IGFBP2: variants seen among roughly 807,000 people sequenced by gnomAD.
IGFBP2 encodes the protein insulin-like growth factor-binding protein 2.
IGFBP2 carries 12 observed loss-of-function variants against 26.2 expected under a neutral mutation model. The ratio of observed to expected loss-of-function variants is 0.46; its 90% confidence interval spans 0.29 to 0.74. IGFBP2 has a LOEUF of 0.74. Among genes scored for constraint, IGFBP2 ranks in the 30% least tolerant of loss-of-function variants. The pLI, the probability that IGFBP2 is intolerant of heterozygous loss-of-function variation, is 0.09. For missense variants in IGFBP2, 328 were observed against 441.2 expected, an observed-to-expected ratio of 0.74 and a Z score of 2.30; for synonymous variants, 189 against 200.6, an observed-to-expected ratio of 0.94 and a Z score of 0.49.
rs1283814419 is a variant in IGFBP2, at chr2:216,659,217, GCCAGCACCC to G, written c.443-1339_443-1331del. Among the ~76,000 whole-genome samples the G allele has an allele frequency of 2.0e-5, 3 of 152,328 alleles. No individual in the cohort carries two copies. The East Asian group carries it at 5.8e-4, about 29-fold the overall frequency. Reference sequence around the variant, plus strand: ...CCTTGACAGCAGGTGCTGCTGGAGTGCCAGCACCCGGTGCTGTCCCTGGCATGGAAGAGG... The same window carrying G: ...CCTTGACAGCAGGTGCTGCTGGAGTGGGTGCTGTCCCTGGCATGGAAGAGG... On this transcript the variant is annotated intron_variant, in intron 1 of 3. Transcript: ENST00000233809.
At position 216,633,833 on chromosome 2, in the gene IGFBP2, C is replaced by T; in HGVS notation, c.310C>T (p.Arg104Cys). 6.5e-7 allele frequency: 1 copy of T among 1,538,742 alleles called. No individual in the cohort carries two copies. The highest frequency in any genetic ancestry group is 8.7e-7 in the Non-Finnish European group (1 of 1,147,994). ...CGAGGCGTGCGGCGTCTACACCCCG[C>T]GCTGCGGCCAGGGGCTGCGCTGCTA... ...EGEACGVYTP[R>C]CGQGLRCYPH... The change falls in exon 1 of 4, where the codon CGC becomes TGC. Residue 104 changes from arginine (R) to cysteine (C), a missense_variant. By Grantham distance (180) the Arg-to-Cys change is radical (BLOSUM62 -3). Transcript: ENST00000233809.
intron 1 of IGFBP2, among the ~76,000 whole-genome samples, chr2:216,657,525 G>A (rs1439793758): frequency 1.3e-5 from 2 of 152,142 alleles, no homozygotes; most frequent in Non-Finnish European, 2.9e-5. Context: ...CGCACGGTGG[G>A]GTGACTCAGC....
intron 1 of IGFBP2, among the ~76,000 whole-genome samples, chr2:216,647,512 A>C (rs1490246969): frequency 6.6e-6 from 1 of 151,928 alleles, no homozygotes; most frequent in Non-Finnish European, 1.5e-5. Flanking sequence ...TAAAATTTTT[A>C]TTTATTTATT....
At chr2:216,644,720 G>GT (rs992765803) in intron 1 of IGFBP2, among the ~76,000 whole-genome samples, 14 of 152,052 alleles carry the variant, frequency 9.2e-5, no homozygotes, top group South Asian at 2.1e-4. Flanking sequence ...AGCTCATTTT[G>GT]TTTTTTTTGT....
At chr2:216,635,715 C>T (rs1448717523) in intron 1 of IGFBP2, among the ~76,000 whole-genome samples, 1 of 152,004 alleles carries the variant, frequency 6.6e-6, no homozygotes, top group Non-Finnish European at 1.5e-5. Context: ...ACAGATGCGG[C>T]AGATTTTCTC....
intron 3 of IGFBP2, chr2:216,663,666 G>C (rs1407395993): frequency 1.7e-5 from 6 of 357,410 alleles, no homozygotes; most frequent in Non-Finnish European, 3.1e-5. Context: ...CGGGTGTCCT[G>C]AATGGCCTTG....
chr2:216,643,478 A>G (rs1697653781), intron 1 of IGFBP2, among the ~76,000 whole-genome samples: 1 of 152,154 alleles, frequency 6.6e-6, no homozygotes, highest in African/African-American at 2.4e-5. Context: ...TGAGTCTCTG[A>G]GGGTCAGAAT....
intron 1 of IGFBP2, among the ~76,000 whole-genome samples, chr2:216,649,566 GA>G (rs1697778763): frequency 6.6e-6 from 1 of 152,236 alleles, no homozygotes; most frequent in Non-Finnish European, 1.5e-5. Context: ...AACCCAAGGA[GA>G]AATGTTTGGG....
chr2:216,660,640 G>A lies in IGFBP2; in HGVS notation c.526G>A (p.Ala176Thr). Residue 176 changes from alanine to threonine, a missense_variant, in exon 2 of 4, where the codon GCT (alanine) becomes ACT (threonine). Transcript: ENST00000233809. ...GAACATGTTGGGCGGGGGAGGCAGTGCTGGCCGGAAGCCCCTCAAGTCGGG... is the reference window on the plus strand; with the variant it reads ...GAACATGTTGGGCGGGGGAGGCAGTACTGGCCGGAAGCCCCTCAAGTCGGG... ...TMNMLGGGGS[A>T]GRKPLKSGMK... is the part of the protein sequence containing the mutation. 6.2e-7 allele frequency: 1 copy of A among 1,614,080 alleles called. No homozygotes were observed. The highest frequency in any genetic ancestry group is 8.5e-7 in the Non-Finnish European group (1 of 1,180,020).
intron 1 of IGFBP2, among the ~76,000 whole-genome samples, chr2:216,635,668 C>A (rs1697480800): frequency 6.6e-6 from 1 of 152,074 alleles, no homozygotes; most frequent in Non-Finnish European, 1.5e-5. Context: ...ATTCTACTTC[C>A]CAAATCCCTG....
At chr2:216,661,102 T>C in intron 2 of IGFBP2, 1 of 284,670 alleles carries the variant, frequency 3.5e-6, no homozygotes, top group South Asian at 4.3e-5. Flanking sequence ...TTGCTTACTC[T>C]TTTTTTTTTC....
At chr2:216,645,040 C>A (rs1277096700) in intron 1 of IGFBP2, among the ~76,000 whole-genome samples, 1 of 152,200 alleles carries the variant, frequency 6.6e-6, no homozygotes, top group Non-Finnish European at 1.5e-5. Context: ...TCTTTTAGGT[C>A]TATTGTCTTT....
chr2:216,657,528 G>A (rs1041978447), intron 1 of IGFBP2, among the ~76,000 whole-genome samples: 13 of 152,198 alleles, frequency 8.5e-5, no homozygotes, highest in African/African-American at 2.7e-4. Context: ...ACGGTGGGGT[G>A]ACTCAGCGTC....
Position 216,633,607 on chromosome 2 carries a change from T to TGGC in IGFBP2, c.96_98dup (p.Gly33dup), listed in dbSNP as rs1261646150. On this transcript the variant is annotated inframe_insertion, in exon 1 of 4. Transcript: ENST00000233809. ...TGCTGCTGCTGCTACTGGGCGCGAG[T>TGGC]GGCGGCGGCGGCGGGGCGCGCGCGG... The TGGC allele has an allele frequency of 4.2e-5, 41 of 976,020 alleles. No homozygotes were observed. Among genetic ancestry groups the TGGC allele is most frequent in the Non-Finnish European group, 4.6e-5 (38 of 823,674 alleles). 60.5% of individuals were successfully genotyped at this position (976,020 alleles called of 1,614,324 possible).
intron 1 of IGFBP2, among the ~76,000 whole-genome samples, chr2:216,639,053 C>T (rs1213892671): frequency 1.5e-5 from 2 of 135,182 alleles, no homozygotes; most frequent in African/African-American, 2.8e-5. Context: ...TGCTCCGTCG[C>T]CCAGGCTGGA....
At chr2:216,636,981 G>C (rs1046293686) in intron 1 of IGFBP2, among the ~76,000 whole-genome samples, 6 of 152,060 alleles carry the variant, frequency 3.9e-5, no homozygotes, top group Non-Finnish European at 8.8e-5. Flanking sequence ...TGCAGTTGCC[G>C]GGGAAGAATA....
chr2:216,650,184 T>G (rs1204714324), intron 1 of IGFBP2, among the ~76,000 whole-genome samples: 1 of 152,312 alleles, frequency 6.6e-6, no homozygotes, highest in African/African-American at 2.4e-5. Context: ...TCTGACTTTC[T>G]GGGGCTGGGG....
intron 2 of IGFBP2, 74 bp from the exon 3 acceptor site, chr2:216,661,784 G>T: frequency 1.3e-6 from 2 of 1,570,660 alleles, no homozygotes; most frequent in South Asian, 1.1e-5. Flanking sequence ...GCTTCTCGCT[G>T]AGCTTGCGTC....
chr2:216,645,687 G>C (rs1697698309), intron 1 of IGFBP2, among the ~76,000 whole-genome samples: 1 of 152,212 alleles, frequency 6.6e-6, no homozygotes, highest in Non-Finnish European at 1.5e-5. Context: ...GACGTTTTCT[G>C]ATTGGTCATT....
Sources: gnomAD v4.1 joint callset for allele counts (sites outside exome capture counted in the v4.1 genomes callset) on GRCh38, gnomAD v4.1.1 for gene constraint, MANE v1.5 for transcripts, NCBI Gene and HGNC (gene_info 2026-07-23, HGNC 2026-07-21) for gene names.